The following CDH12 variants were observed in gnomAD, a reference collection of about 807,000 sequenced individuals.
CDH12 encodes cadherin 12, also known as cadherin-12.
A neutral mutation model predicts 74.1 loss-of-function variants in CDH12; 41 were observed. The observed-to-expected ratio is 0.55, with a 90% CI of 0.43 to 0.72. The LOEUF (loss-of-function observed/expected upper bound fraction) is 0.72. CDH12 is among the 30% of genes least tolerant of loss of function. The pLI, the probability that CDH12 is intolerant of heterozygous loss-of-function variation, is 0.00. For synonymous variants in CDH12, 399 were observed against 355.0 expected, an observed-to-expected ratio of 1.12 and a Z score of -1.39; for missense variants, 945 against 977.2, an observed-to-expected ratio of 0.97 and a Z score of 0.44.
At chr5:22,260,085 T>C (rs553866820) in intron 3 of CDH12, among the ~76,000 whole-genome samples, 8 of 152,196 alleles carry the variant, frequency 5.3e-5, no homozygotes, top group African/African-American at 1.7e-4. Context: ...AAAAATGAAT[T>C]ATCCTTTACA....
chr5:22,076,487 A>C lies in CDH12; in HGVS notation c.231+1959T>G, dbSNP rs115330356. Reference sequence around the variant, plus strand: ...AATCAAAAACAGAGAATTTGTCAGGAACCTCAATATGATGTCTAGCTTCTG... The same window carrying C: ...AATCAAAAACAGAGAATTTGTCAGGCACCTCAATATGATGTCTAGCTTCTG... On this transcript the variant is annotated intron_variant, in intron 5 of 14. Coordinates refer to ENST00000382254, the MANE Select transcript of CDH12 (RefSeq NM_004061.5). Among the ~76,000 whole-genome samples the C allele has an allele frequency of 6.9e-3, 1,052 of 152,238 alleles. 5 individuals carry two copies. Among genetic ancestry groups the C allele is most frequent in the Non-Finnish European group, 9.9e-3 (674 of 68,014 alleles).
intron 1 of CDH12, among the ~76,000 whole-genome samples, chr5:22,578,181 T>A (rs901700733): frequency 6.6e-6 from 1 of 152,164 alleles, no homozygotes; most frequent in Non-Finnish European, 1.5e-5. Context: ...TAAAGAATGA[T>A]CATGCAAAAA....
chr5:21,845,443 C>T (rs1035969255), intron 7 of CDH12, among the ~76,000 whole-genome samples: 12 of 152,164 alleles, frequency 7.9e-5, no homozygotes, highest in South Asian at 4.2e-4. Flanking sequence ...TCCAACCATT[C>T]CATGTCCACT....
chr5:22,696,377 A>T (rs2126951561), intron 1 of CDH12, among the ~76,000 whole-genome samples: 1 of 151,712 alleles, frequency 6.6e-6, no homozygotes, highest in Admixed American at 6.6e-5. Flanking sequence ...TCTCAAAAAA[A>T]AAAAAAAAAA....
intron 3 of CDH12, among the ~76,000 whole-genome samples, chr5:22,302,167 T>C (rs1737912832): frequency 6.6e-6 from 1 of 151,906 alleles, no homozygotes; most frequent in South Asian, 2.1e-4. Flanking sequence ...GTCAATAAAA[T>C]AAAAATGGAT....
At chr5:22,658,523 C>G (rs1016139284) in intron 1 of CDH12, among the ~76,000 whole-genome samples, 28 of 152,110 alleles carry the variant, frequency 1.8e-4, no homozygotes, top group South Asian at 1.5e-3. Context: ...GAAATCACCT[C>G]TATTAGAAGA....
At chr5:21,965,479 A>G (rs988009952) in intron 6 of CDH12, among the ~76,000 whole-genome samples, 1 of 152,058 alleles carries the variant, frequency 6.6e-6, no homozygotes, top group African/African-American at 2.4e-5. Flanking sequence ...CAAAATTAAC[A>G]TGGTTGACAG....
At chr5:22,382,257 T>A (rs1741795879) in intron 3 of CDH12, among the ~76,000 whole-genome samples, 1 of 147,020 alleles carries the variant, frequency 6.8e-6, no homozygotes, top group African/African-American at 2.5e-5. Flanking sequence ...GTAATATTTT[T>A]ATAGAATACA....
At chr5:22,447,011 A>G (rs1262420564) in intron 2 of CDH12, among the ~76,000 whole-genome samples, 2 of 152,096 alleles carry the variant, frequency 1.3e-5, no homozygotes, top group East Asian at 3.9e-4. Context: ...AAACTTAAAT[A>G]CTGGATATTC....
intron 5 of CDH12, among the ~76,000 whole-genome samples, chr5:22,072,740 T>A (rs1479776338): frequency 6.6e-6 from 1 of 151,798 alleles, no homozygotes; most frequent in African/African-American, 2.4e-5. Flanking sequence ...CACCCCAGTG[T>A]GTGATGTTCC....
At chr5:21,754,346 A>G (rs1266746798) in intron 14 of CDH12, among the ~76,000 whole-genome samples, 3 of 152,220 alleles carry the variant, frequency 2.0e-5, no homozygotes, top group African/African-American at 7.2e-5. Flanking sequence ...GAAGAGAGGC[A>G]TATGAGAGAG....
intron 3 of CDH12, among the ~76,000 whole-genome samples, chr5:22,337,700 G>T (rs1243074315): frequency 2.6e-5 from 4 of 152,108 alleles, no homozygotes; most frequent in Admixed American, 6.6e-5. Context: ...TTTGCAAATT[G>T]CCCAGTCTTC....
intron 1 of CDH12, among the ~76,000 whole-genome samples, chr5:22,764,317 T>A (rs1295580522): frequency 6.6e-6 from 1 of 151,984 alleles, no homozygotes; most frequent in Non-Finnish European, 1.5e-5. Flanking sequence ...TCTACCATTA[T>A]TGAAAAGAAA....
intron 4 of CDH12, among the ~76,000 whole-genome samples, chr5:22,206,679 CA>C (rs71609754): frequency 4.6e-3 from 253 of 55,268 alleles, no homozygotes; most frequent in East Asian, 0.013. Flanking sequence ...GATTCCACTG[CA>C]AAAAAAAAAA....
intron 2 of CDH12, among the ~76,000 whole-genome samples, chr5:22,450,441 C>T (rs1744998663): frequency 6.6e-6 from 1 of 151,830 alleles, no homozygotes; most frequent in African/African-American, 2.4e-5. Flanking sequence ...TATCCAGTTG[C>T]TGAAGCCAGA....
intron 3 of CDH12, among the ~76,000 whole-genome samples, chr5:22,336,912 C>T (rs979891964): frequency 1.7e-4 from 26 of 152,192 alleles, no homozygotes; most frequent in Non-Finnish European, 3.5e-4. Flanking sequence ...GCACCATCCA[C>T]CTGGAAACAC....
At chr5:22,553,915 G>A (rs935655820) in intron 1 of CDH12, among the ~76,000 whole-genome samples, 4 of 152,186 alleles carry the variant, frequency 2.6e-5, no homozygotes, top group Admixed American at 6.5e-5. Flanking sequence ...CTGATATAAT[G>A]TGGAGTATAA....
intron 6 of CDH12, among the ~76,000 whole-genome samples, chr5:21,892,106 TC>T (rs1203686902): frequency 6.6e-6 from 1 of 152,192 alleles, no homozygotes; most frequent in East Asian, 1.9e-4. Context: ...TAAATTCTGA[TC>T]ATTTTCAGTA....
At chr5:22,403,864 C>A (rs188217175) in intron 3 of CDH12, among the ~76,000 whole-genome samples, 5 of 152,124 alleles carry the variant, frequency 3.3e-5, no homozygotes, top group African/African-American at 9.6e-5. Context: ...ATATTAGTAA[C>A]CTCACCAAGA....
Sources: gnomAD v4.1 joint callset for allele counts (sites outside exome capture counted in the v4.1 genomes callset) on GRCh38, gnomAD v4.1.1 for gene constraint, MANE v1.5 for transcripts, NCBI Gene and HGNC (gene_info 2026-07-23, HGNC 2026-07-21) for gene names.